The following MED15 variants were observed in gnomAD, a reference collection of about 807,000 sequenced individuals.
MED15 encodes the protein mediator complex subunit 15, also known as mediator of RNA polymerase II transcription subunit 15.
MED15 carries 41 observed loss-of-function variants against 118.7 expected under a neutral mutation model. The observed-to-expected ratio is 0.35, with a 90% CI of 0.27 to 0.45. The LOEUF (loss-of-function observed/expected upper bound fraction) is 0.45. Among genes scored for constraint, MED15 ranks in the 20% least tolerant of loss-of-function variants. The pLI, the probability that MED15 is intolerant of heterozygous loss-of-function variation, is 1.00. For synonymous variants in MED15, 436 were observed against 413.9 expected (o/e 1.05, Z -0.65); for missense variants, 740 against 1,025.5 (o/e 0.72, Z 3.80).
chr22:20,521,472 C>T (rs1327041018), intron 1 of MED15, among the ~76,000 whole-genome samples: 1 of 151,492 alleles, frequency 6.6e-6, no homozygotes, highest in Admixed American at 6.6e-5. Flanking sequence ...TCTTGGCTCA[C>T]TGCAAGCTCT....
intron 13 of MED15, chr22:20,583,868 T>C (rs1426401575): frequency 4.3e-6 from 1 of 234,350 alleles, no homozygotes; most frequent in Non-Finnish European, 8.6e-6. Context: ...GGCCACAGGC[T>C]GCTGTGAGGA....
intron 1 of MED15, among the ~76,000 whole-genome samples, chr22:20,516,916 A>G (rs560393555): frequency 1.3e-5 from 2 of 152,194 alleles, no homozygotes; most frequent in Non-Finnish European, 2.9e-5. Flanking sequence ...TGTCTCATGT[A>G]CTTGACCTCC....
chr22:20,583,402 TGCCCACA>T lies in MED15; in HGVS notation c.1736+16_1736+22del. 7 of 1,611,614 alleles carry T rather than the reference TGCCCACA, an allele frequency of 4.3e-6. No individual in the cohort carries two copies. Among genetic ancestry groups the T allele is most frequent in the Non-Finnish European group, 5.9e-6 (7 of 1,180,008 alleles). On this transcript the variant is annotated intron_variant, in intron 13 of 17. Transcript: ENST00000263205. Reference sequence around the variant, plus strand: ...ACAGACCCCTCGAAGCGGTGAGCTTTGCCCACAGCCCACGGAGGGTCCACAAGGGCAC... The same window carrying T: ...ACAGACCCCTCGAAGCGGTGAGCTTTGCCCACGGAGGGTCCACAAGGGCAC...
At chr22:20,576,494 A>G (rs2056827867) in intron 9 of MED15, among the ~76,000 whole-genome samples, 1 of 152,276 alleles carries the variant, frequency 6.6e-6, no homozygotes, top group African/African-American at 2.4e-5. Flanking sequence ...CCACTGGGGC[A>G]TGTTTAGCTT....
At chr22:20,531,465 G>A (rs1038791505) in intron 1 of MED15, among the ~76,000 whole-genome samples, 2 of 152,178 alleles carry the variant, frequency 1.3e-5, no homozygotes, top group Non-Finnish European at 2.9e-5. Context: ...ACCCAGAGCT[G>A]GTGAGTGGCT....
intron 8 of MED15, among the ~76,000 whole-genome samples, chr22:20,572,866 A>C (rs1349767492): frequency 2.0e-5 from 3 of 152,216 alleles, no homozygotes; most frequent in East Asian, 3.8e-4. Context: ...TTGAGGCTGC[A>C]GTGAGCTGTG....
intron 8 of MED15, among the ~76,000 whole-genome samples, chr22:20,568,941 G>T (rs1038930022): frequency 6.6e-6 from 1 of 152,138 alleles, no homozygotes; most frequent in African/African-American, 2.4e-5. Context: ...AGAGTAGAAG[G>T]CTGCAGTTTT....
At position 20,585,839 on chromosome 22, in the gene MED15, A is replaced by G. The variant is rs746150501; in HGVS notation, c.2230+13A>G. 2.5e-6 allele frequency: 4 copies of G among 1,611,684 alleles called. No homozygotes were observed. Among genetic ancestry groups the G allele is most frequent in the Non-Finnish European group, 3.4e-6 (4 of 1,179,496 alleles). ...CAGTGGCAGTACGGTAGGTAGACCC[A>G]GAGGAGCTGTCTGGGGACCCAGGGC... On this transcript the variant is annotated intron_variant, in intron 17 of 17. Transcript: ENST00000263205.
intron 1 of MED15, among the ~76,000 whole-genome samples, chr22:20,518,137 G>A (rs1040648347): frequency 9.6e-6 from 1 of 103,644 alleles, no homozygotes; most frequent in Non-Finnish European, 2.0e-5. Flanking sequence ...AGCAGGATGC[G>A]TGGTACAGGC....
At chr22:20,535,639 C>A (rs4384889) in intron 1 of MED15, among the ~76,000 whole-genome samples, 118,825 of 150,974 alleles carry the variant, frequency 0.79, 46,814 homozygotes, top group East Asian at 0.85. Flanking sequence ...CGCTCACTGC[C>A]AGCTCCGCCT....
Position 20,520,365 on chromosome 22 carries a change from T to G in MED15, c.68+12619T>G, listed in dbSNP as rs572730916. On this transcript the variant is annotated intron_variant, in intron 1 of 17. Transcript: ENST00000263205. ...GCTATGTGTGAGACAGAGCCCCTGTTGTGAAGTAGAACTCAGGGTTCGTCC... is the reference window on the plus strand; with the variant it reads ...GCTATGTGTGAGACAGAGCCCCTGTGGTGAAGTAGAACTCAGGGTTCGTCC... Among the ~76,000 whole-genome samples, 3 of 152,344 alleles carry G rather than the reference T, an allele frequency of 2.0e-5. No individual in the cohort carries two copies. In the East Asian group the frequency reaches 5.8e-4, roughly 29 times the overall value.
chr22:20,574,743 C>T, intron 8 of MED15: 1 of 193,338 alleles, frequency 5.2e-6, no homozygotes, highest in Non-Finnish European at 1.1e-5. Flanking sequence ...AGCCTGGTCT[C>T]CAGAAACACC....
chr22:20,510,944 G>T (rs1044740988), intron 1 of MED15, among the ~76,000 whole-genome samples: 2 of 152,150 alleles, frequency 1.3e-5, no homozygotes, highest in Non-Finnish European at 2.9e-5. Context: ...CAGTTTCAGA[G>T]GTTGCCTTCC....
At chr22:20,551,332 G>T in intron 2 of MED15, 104 bp from the exon 3 acceptor site, 1 of 1,034,906 alleles carries the variant, frequency 9.7e-7, no homozygotes, top group South Asian at 1.3e-5. Flanking sequence ...TGCCTTGCAG[G>T]ATGGGCTTCA....
chr22:20,582,499 G>C, intron 9 of MED15, 112 bp from the exon 10 acceptor site: 1 of 1,483,844 alleles, frequency 6.7e-7, no homozygotes, highest in Non-Finnish European at 9.0e-7. Context: ...GAAGACACAG[G>C]TGTGTGGTGA....
intron 2 of MED15, among the ~76,000 whole-genome samples, chr22:20,543,640 C>A (rs2055410169): frequency 6.6e-6 from 1 of 151,714 alleles, no homozygotes; most frequent in South Asian, 2.1e-4. Context: ...TCATTGCAAC[C>A]CCCACCTCCC....
chr22:20,547,769 A>G (rs1966333), intron 2 of MED15, among the ~76,000 whole-genome samples: 152,029 of 152,300 alleles, frequency 1, 75,879 homozygotes, highest in East Asian at 1. Flanking sequence ...CTTGCAGTGA[A>G]CTGAGATTGC....
intron 16 of MED15, 35 bp from the exon 17 acceptor site, chr22:20,585,693 T>C (rs1356454036): frequency 1.3e-6 from 2 of 1,598,756 alleles, no homozygotes; most frequent in African/African-American, 2.7e-5. Context: ...GGCCGGGGCT[T>C]GTCCAGGTCA....
chr22:20,586,240 C>T (rs1181522150), intron 17 of MED15, among the ~76,000 whole-genome samples: 1 of 152,184 alleles, frequency 6.6e-6, no homozygotes, highest in Non-Finnish European at 1.5e-5. Context: ...TGCTGTGGCT[C>T]CAGAGAGAAC....
Sources: gnomAD v4.1 joint callset for allele counts (sites outside exome capture counted in the v4.1 genomes callset) on GRCh38, gnomAD v4.1.1 for gene constraint, MANE v1.5 for transcripts, NCBI Gene and HGNC (gene_info 2026-07-23, HGNC 2026-07-21) for gene names.